RAB5A: variants seen among roughly 807,000 people sequenced by gnomAD.
RAB5A encodes RAB5A, member RAS oncogene family.
A neutral mutation model predicts 25.7 loss-of-function variants in RAB5A; 8 were observed. The ratio of observed to expected loss-of-function variants is 0.31; its 90% CI spans 0.18 to 0.56. The LOEUF (loss-of-function observed/expected upper bound fraction) is 0.56, where lower values mean the gene tolerates loss of function less well. Among genes scored for constraint, RAB5A ranks in the 20% least tolerant of loss-of-function variants. The pLI is 0.91. For missense variants in RAB5A, 192 were observed against 259.7 expected (o/e 0.74, Z 1.79); for synonymous variants, 98 against 89.8 (o/e 1.09, Z -0.52).
chr3:19,950,394 A>T (rs1696406009), intron 1 of RAB5A, among the ~76,000 whole-genome samples: 1 of 152,268 alleles, frequency 6.6e-6, no homozygotes, highest in Non-Finnish European at 1.5e-5. Flanking sequence ...GCCTGGCTAC[A>T]GAACTTGAAC....
At chr3:19,967,378 C>G (rs942829412) in intron 2 of RAB5A, among the ~76,000 whole-genome samples, 1 of 152,116 alleles carries the variant, frequency 6.6e-6, no homozygotes, top group South Asian at 2.1e-4. Context: ...CTCCTGACCT[C>G]GGGTGATCCA....
chr3:19,964,646 C>T (rs1046974696), intron 2 of RAB5A, among the ~76,000 whole-genome samples: 8 of 152,158 alleles, frequency 5.3e-5, no homozygotes, highest in African/African-American at 1.9e-4. Flanking sequence ...TTGTTTGAGA[C>T]GGAGTCACCC....
At chr3:19,969,044 G>GTTTTTTTTTTTTTTTTTTT (rs746635502) in intron 2 of RAB5A, among the ~76,000 whole-genome samples, 8 of 65,548 alleles carry the variant, frequency 1.2e-4, no homozygotes, top group African/African-American at 1.7e-4. Flanking sequence ...TTTTTTTTTT[G>GTTTTTTTTTTTTTTTTTTT]GTTTTTTTTT....
At position 19,983,908 on chromosome 3, in the gene RAB5A, T is replaced by TAC; in HGVS notation, c.*85_*86insAC. The TAC allele has an allele frequency of 1.1e-6, 1 of 884,768 alleles. No homozygotes were observed. Among genetic ancestry groups the TAC allele is most frequent in the Non-Finnish European group, 1.8e-6 (1 of 565,546 alleles). The allele number at this position is 884,768 out of a possible 1,614,324, so 54.8% of individuals were successfully genotyped here. A position where few individuals can be genotyped will look rare whatever the true frequency, so the allele number is the denominator to read the frequency against. On this transcript the variant is annotated 3_prime_UTR_variant, in exon 6 of 6. Coordinates refer to ENST00000273047, the MANE Select transcript of RAB5A (RefSeq NM_004162.5). Reference sequence around the variant, plus strand: ...ATTGGAGCATTTAACCAGCCCAGTATGACTTCCAAAAGAAGAGACTTATGA... The same window carrying TAC: ...ATTGGAGCATTTAACCAGCCCAGTATACGACTTCCAAAAGAAGAGACTTATGA...
chr3:19,970,128 C>T (rs1696723747), intron 2 of RAB5A, among the ~76,000 whole-genome samples: 1 of 151,226 alleles, frequency 6.6e-6, no homozygotes, highest in South Asian at 2.1e-4. Context: ...CCTTGAATTC[C>T]AGACCTTGTG....
chr3:19,974,722 G>GAAAAAAGAAA (rs151258629), intron 2 of RAB5A, among the ~76,000 whole-genome samples: 6 of 141,912 alleles, frequency 4.2e-5, no homozygotes, highest in Non-Finnish European at 9.1e-5. Context: ...CTGTGTCTCA[G>GAAAAAAGAAA]AAAAAGAAAA....
At chr3:19,953,022 G>A (rs1424807906) in intron 2 of RAB5A, among the ~76,000 whole-genome samples, 3 of 148,540 alleles carry the variant, frequency 2.0e-5, no homozygotes, top group African/African-American at 7.9e-5. Context: ...CGTAGGTTTG[G>A]GACTTACTAT....
intron 1 of RAB5A, 108 bp from the exon 2 acceptor site, chr3:19,950,698 A>G: frequency 4.3e-6 from 2 of 464,368 alleles, no homozygotes; most frequent in Non-Finnish European, 3.8e-6. Context: ...AGGGCATTGA[A>G]GGTCTAGTAG....
intron 4 of RAB5A, among the ~76,000 whole-genome samples, chr3:19,977,133 G>A (rs552691978): frequency 2.0e-4 from 30 of 149,000 alleles, no homozygotes; most frequent in Admixed American, 8.1e-4. Context: ...GTGCAGTGGC[G>A]CAATCTCAAG....
Position 19,950,873 on chromosome 3 carries a change from A to G in RAB5A, c.-26A>G, listed in dbSNP as rs748645733. 3 of 1,596,430 alleles carry G rather than the reference A, an allele frequency of 1.9e-6. No individual in the cohort carries two copies. In the East Asian group the frequency reaches 6.7e-5, roughly 36 times the overall value. On this transcript the variant is annotated 5_prime_UTR_variant, in exon 2 of 6. Transcript: ENST00000273047. Reference sequence around the variant, plus strand: ...CTGGAAGTTCATTGAAGAGTCTGAAATTAGGGACTTATTTCAAATTTGGAC... The same window carrying G: ...CTGGAAGTTCATTGAAGAGTCTGAAGTTAGGGACTTATTTCAAATTTGGAC...
chr3:19,949,430 G>C (rs1696389332), intron 1 of RAB5A, among the ~76,000 whole-genome samples: 1 of 152,098 alleles, frequency 6.6e-6, no homozygotes, highest in African/African-American at 2.4e-5. Flanking sequence ...TGTTGCCCAG[G>C]CTGGTCTCAG....
intron 2 of RAB5A, among the ~76,000 whole-genome samples, chr3:19,967,202 T>C (rs998860870): frequency 6.6e-6 from 1 of 151,818 alleles, no homozygotes; most frequent in Non-Finnish European, 1.5e-5. Context: ...TGGAGTGCCA[T>C]GGCACCATCT....
At chr3:19,962,366 G>A (rs1339204197) in intron 2 of RAB5A, among the ~76,000 whole-genome samples, 1 of 152,088 alleles carries the variant, frequency 6.6e-6, no homozygotes, top group Non-Finnish European at 1.5e-5. Flanking sequence ...ACAGGAGTTC[G>A]AGACCAGCCT....
At chr3:19,955,529 A>G (rs1376990182) in intron 2 of RAB5A, among the ~76,000 whole-genome samples, 1 of 152,178 alleles carries the variant, frequency 6.6e-6, no homozygotes, top group Admixed American at 6.5e-5. Flanking sequence ...TTACATTGGT[A>G]CTAACATTGA....
chr3:19,957,614 G>T (rs1052760606), intron 2 of RAB5A, among the ~76,000 whole-genome samples: 12 of 151,902 alleles, frequency 7.9e-5, no homozygotes, highest in Non-Finnish European at 1.6e-4. Context: ...AGTGAGCCCA[G>T]ATAGCGCCAC....
intron 4 of RAB5A, among the ~76,000 whole-genome samples, chr3:19,976,549 G>A (rs192095591): frequency 4.4e-4 from 67 of 152,252 alleles, no homozygotes; most frequent in African/African-American, 1.6e-3. Flanking sequence ...GCTGGAGATG[G>A]TAGTGCATGC....
chr3:19,963,386 T>G (rs1696619212), intron 2 of RAB5A, among the ~76,000 whole-genome samples: 1 of 92,826 alleles, frequency 1.1e-5, no homozygotes, highest in Non-Finnish European at 2.1e-5. Flanking sequence ...CCCGACTTAT[T>G]TTCGTAAGAT....
At chr3:19,981,047 A>G (rs1217911436) in intron 5 of RAB5A, among the ~76,000 whole-genome samples, 1 of 152,234 alleles carries the variant, frequency 6.6e-6, no homozygotes, top group Non-Finnish European at 1.5e-5. Context: ...GTCTTACCAT[A>G]GTGGTCTGTC....
chr3:19,964,069 G>A (rs1036474867), intron 2 of RAB5A, among the ~76,000 whole-genome samples: 2 of 152,206 alleles, frequency 1.3e-5, no homozygotes, highest in Non-Finnish European at 2.9e-5. Context: ...TTATGTGCTA[G>A]GTTCTTGAAC....
Sources: gnomAD v4.1 joint callset for allele counts (sites outside exome capture counted in the v4.1 genomes callset) on GRCh38, gnomAD v4.1.1 for gene constraint, MANE v1.5 for transcripts, NCBI Gene and HGNC (gene_info 2026-07-23, HGNC 2026-07-21) for gene names.